Variants in AKT3 observed in about 807,000 individuals in gnomAD.
The protein encoded by AKT3 is RAC-gamma serine/threonine-protein kinase.
AKT3 carries 15 observed loss-of-function variants against 65.3 expected under a neutral mutation model. The observed-to-expected ratio is 0.23, with a 90% CI of 0.15 to 0.35. The LOEUF is 0.35. AKT3 is among the 10% of genes least tolerant of loss of function. AKT3 has a pLI of 1.00. For missense variants in AKT3, 243 were observed against 576.5 expected, an observed-to-expected ratio of 0.42 and a Z score of 5.92; for synonymous variants, 206 against 183.8, an observed-to-expected ratio of 1.12 and a Z score of -0.98.
intron 12 of AKT3, among the ~76,000 whole-genome samples, chr1:243,539,116 T>C (rs541011431): frequency 2.2e-4 from 34 of 152,084 alleles, no homozygotes; most frequent in Admixed American, 3.9e-4. Flanking sequence ...CAGAATACAG[T>C]TGACCCTTGA....
chr1:243,537,667 C>A (rs962762190), intron 12 of AKT3, among the ~76,000 whole-genome samples: 1 of 152,236 alleles, frequency 6.6e-6, no homozygotes. Context: ...CCAGTTGCTG[C>A]GTGTCATTTC....
chr1:243,556,995 T>C (rs1673452644), intron 10 of AKT3, among the ~76,000 whole-genome samples: 1 of 152,172 alleles, frequency 6.6e-6, no homozygotes, highest in African/African-American at 2.4e-5. Flanking sequence ...CAATGCCATT[T>C]GCTATGAATT....
chr1:243,742,894 ACT>A (rs776417539), intron 2 of AKT3, among the ~76,000 whole-genome samples: 22 of 151,560 alleles, frequency 1.5e-4, no homozygotes, highest in Admixed American at 2.6e-4. Flanking sequence ...CGAAAATGAA[ACT>A]CTGTTAGGTT....
chr1:243,544,698 G>GTTT (rs149837431), intron 12 of AKT3, among the ~76,000 whole-genome samples: 2 of 93,962 alleles, frequency 2.1e-5, no homozygotes, highest in Admixed American at 1.2e-4. Flanking sequence ...GTGGTTTTTT[G>GTTT]TTTTTTGTTT....
At chr1:243,495,855 A>C (rs1205468585), downstream of AKT3, among the ~76,000 whole-genome samples, 1 of 152,152 alleles carries the variant, frequency 6.6e-6, no homozygotes, top group East Asian at 1.9e-4. Flanking sequence ...CGTAGATATC[A>C]AACTGGCTGC....
At chr1:243,592,994 A>G (rs1676342366) in intron 8 of AKT3, among the ~76,000 whole-genome samples, 3 of 152,226 alleles carry the variant, frequency 2.0e-5, no homozygotes, top group Non-Finnish European at 4.4e-5. Context: ...GTATAATCTA[A>G]GCGGAACACA....
intron 2 of AKT3, among the ~76,000 whole-genome samples, chr1:243,714,262 A>G (rs1045962659): frequency 1.3e-5 from 2 of 152,354 alleles, no homozygotes; most frequent in South Asian, 2.1e-4. Flanking sequence ...AATTAGCAAG[A>G]GAACTGCCTA....
chr1:243,839,103 T>G (rs780623061), intron 2 of AKT3, among the ~76,000 whole-genome samples: 10 of 152,180 alleles, frequency 6.6e-5, no homozygotes, highest in Non-Finnish European at 1.2e-4. Context: ...TTATGAAATT[T>G]TATTAAGCAA....
intron 8 of AKT3, among the ~76,000 whole-genome samples, chr1:243,576,041 A>G (rs979031420): frequency 6.6e-6 from 1 of 152,168 alleles, no homozygotes; most frequent in East Asian, 1.9e-4. Context: ...AATAAGTATG[A>G]AAGAATTTTA....
rs551984734 is a variant in AKT3 at position 243,734,496 on chromosome 1, G to C, written c.47-38780C>G. 1.5e-3 allele frequency among the ~76,000 whole-genome samples: 232 copies of C among 152,160 alleles called. 2 individuals carry two copies. The highest frequency in any genetic ancestry group is 5.5e-3 in the African/African-American group (227 of 41,494). On this transcript the variant is annotated intron_variant, in intron 2 of 13. Transcript: ENST00000673466. ...ACGCAGTTCTAACACAATGGTATCTGTGTATCTAGACAAATCTAAACATAG... is the reference window on the plus strand; with the variant it reads ...ACGCAGTTCTAACACAATGGTATCTCTGTATCTAGACAAATCTAAACATAG...
intron 2 of AKT3, among the ~76,000 whole-genome samples, chr1:243,737,290 G>C (rs569762998): frequency 1.3e-5 from 2 of 152,280 alleles, no homozygotes; most frequent in Admixed American, 1.3e-4. Context: ...GTTGCTATGA[G>C]AATTAAATGA....
rs1279657870 is a variant in AKT3, at chr1:243,593,687, GT to G, written c.696+19983del. 3.9e-5 allele frequency among the ~76,000 whole-genome samples: 6 copies of G among 152,190 alleles called. No homozygotes were observed. The East Asian group carries it at 1.2e-3, about 29-fold the overall frequency. Reference sequence around the variant, plus strand: ...TGCCTAGGCGACAGAGTGAGACTCCGTGTCTAAATAAACAACCATATGATCA... The same window carrying G: ...TGCCTAGGCGACAGAGTGAGACTCCGGTCTAAATAAACAACCATATGATCA... On this transcript the variant is annotated intron_variant, in intron 8 of 13. Transcript: ENST00000673466.
At chr1:243,506,134 A>T (rs1669650209) in intron 13 of AKT3, among the ~76,000 whole-genome samples, 1 of 152,238 alleles carries the variant, frequency 6.6e-6, no homozygotes, top group African/African-American at 2.4e-5. Context: ...CTCAGTCAAC[A>T]TGCGCTCCCA....
At chr1:243,559,393 T>C (rs1024468039) in intron 10 of AKT3, among the ~76,000 whole-genome samples, 9 of 152,168 alleles carry the variant, frequency 5.9e-5, no homozygotes, top group South Asian at 2.1e-4. Flanking sequence ...GAAAACTGCA[T>C]TGTAAGCTGC....
chr1:243,527,193 G>A (rs1671165196), intron 12 of AKT3, among the ~76,000 whole-genome samples: 1 of 152,122 alleles, frequency 6.6e-6, no homozygotes, highest in African/African-American at 2.4e-5. Flanking sequence ...ATTTCATTGA[G>A]GCCTCTCTGT....
chr1:243,494,329 GC>G (rs1031661029), intron 13 of AKT3, among the ~76,000 whole-genome samples: 1 of 152,112 alleles, frequency 6.6e-6, no homozygotes, highest in African/African-American at 2.4e-5. Context: ...GTTAAAGTTT[GC>G]CCTGATTCTT....
intron 2 of AKT3, among the ~76,000 whole-genome samples, chr1:243,785,353 CA>C (rs1282977479): frequency 6.6e-6 from 1 of 151,938 alleles, no homozygotes; most frequent in East Asian, 1.9e-4. Context: ...GTTGGGATTA[CA>C]GGCGTGAGCC....
chr1:243,527,118 G>C (rs994534907), intron 12 of AKT3, among the ~76,000 whole-genome samples: 2 of 152,082 alleles, frequency 1.3e-5, no homozygotes, highest in African/African-American at 4.8e-5. Context: ...TGAATAAACC[G>C]AAACACTTAA....
At chr1:243,551,128 T>C (rs769266442) in intron 11 of AKT3, among the ~76,000 whole-genome samples, 26 of 151,982 alleles carry the variant, frequency 1.7e-4, no homozygotes, top group Non-Finnish European at 3.4e-4. Flanking sequence ...ACATAAGAAA[T>C]ACCAAATAGG....
Sources: allele counts gnomAD v4.1 joint callset (sites outside exome capture counted in the v4.1 genomes callset), GRCh38; gene constraint gnomAD v4.1.1; transcripts MANE v1.5; gene names NCBI Gene and HGNC (gene_info 2026-07-23, HGNC 2026-07-21).